Variants in BCAS3 observed in about 807,000 individuals in gnomAD.
BCAS3 encodes BCAS3 microtubule associated cell migration factor, also known as BCAS4/BCAS3 fusion.
Under a neutral mutation model 116.1 loss-of-function variants are expected in BCAS3, and 53 were observed. That is an observed-to-expected ratio of 0.46 (90% CI 0.37 to 0.57). The LOEUF is 0.57. BCAS3 is among the 20% of genes least tolerant of loss of function. The probability of loss-of-function intolerance (pLI) is 0.00; values close to 1 mark genes in which losing one functional copy is unlikely to be tolerated. For synonymous variants in BCAS3, 391 were observed against 408.2 expected (o/e 0.96, Z 0.51); for missense variants, 917 against 1,165.4 (o/e 0.79, Z 3.10).
Position 61,323,094 on chromosome 17 carries a change from A to C in BCAS3, c.2426-45233A>C, listed in dbSNP as rs1471444755. ...GTTGGTTTAAAAAAAAAATGAAAGAAAAAGGAGAATGGTCACATGGATTTA... is the reference window on the plus strand; with the variant it reads ...GTTGGTTTAAAAAAAAAATGAAAGACAAAGGAGAATGGTCACATGGATTTA... On this transcript the variant is annotated intron_variant, in intron 22 of 23. Transcript: ENST00000407086. The surrounding 1 kb of genome is among the most constrained non-coding windows in gnomAD (Gnocchi z 4.6). Among the ~76,000 whole-genome samples the C allele has an allele frequency of 6.6e-6, 1 of 152,198 alleles. No individual in the cohort carries two copies. The highest frequency in any genetic ancestry group is 1.5e-5 in the Non-Finnish European group (1 of 68,036).
intron 14 of BCAS3, chr17:60,986,781 G>A (rs896186417): frequency 8.6e-5 from 13 of 151,850 alleles, no homozygotes; most frequent in African/African-American, 2.4e-4. Flanking sequence ...CCCAATCTTC[G>A]GGTTATCACT....
intron 7 of BCAS3, among the ~76,000 whole-genome samples, chr17:60,819,262 CACTT>C (rs1309866577): frequency 1.3e-5 from 2 of 152,134 alleles, no homozygotes; most frequent in African/African-American, 4.8e-5. Flanking sequence ...ACCTGACTGA[CACTT>C]AATACAATTT....
intron 16 of BCAS3, among the ~76,000 whole-genome samples, chr17:61,024,250 T>G (rs1010758994): frequency 2.6e-5 from 4 of 152,174 alleles, no homozygotes; most frequent in Non-Finnish European, 4.4e-5. Flanking sequence ...CTATAATTCT[T>G]TGGAGTTTGT....
chr17:60,918,586 T>G (rs1599675590), intron 12 of BCAS3, among the ~76,000 whole-genome samples: 1 of 152,256 alleles, frequency 6.6e-6, no homozygotes, highest in South Asian at 2.1e-4. Context: ...CATTCTTTTT[T>G]TCTTTTTCTT....
At chr17:61,293,218 A>G (rs895626684) in intron 22 of BCAS3, among the ~76,000 whole-genome samples, 7 of 152,210 alleles carry the variant, frequency 4.6e-5, no homozygotes, top group Non-Finnish European at 1.5e-5. Context: ...TTGGGAACAA[A>G]TGGAGGGAAA....
intron 16 of BCAS3, among the ~76,000 whole-genome samples, chr17:61,025,629 A>G (rs2066185988): frequency 6.6e-6 from 1 of 152,106 alleles, no homozygotes; most frequent in Non-Finnish European, 1.5e-5. Context: ...TTAAATGTGG[A>G]TGCTGACATC....
chr17:61,015,108 G>A (rs2065362861), intron 15 of BCAS3, among the ~76,000 whole-genome samples: 1 of 152,136 alleles, frequency 6.6e-6, no homozygotes, highest in South Asian at 2.1e-4. Context: ...AAACTCAGCT[G>A]GCTTTTGTTT....
chr17:60,982,710 A>G (rs1451715122), intron 14 of BCAS3, among the ~76,000 whole-genome samples: 2 of 151,670 alleles, frequency 1.3e-5, no homozygotes, highest in East Asian at 1.9e-4. Context: ...ACTATATTGA[A>G]TTATTATATT....
intron 5 of BCAS3, among the ~76,000 whole-genome samples, chr17:60,720,884 G>C (rs928596337): frequency 6.6e-6 from 1 of 152,106 alleles, no homozygotes; most frequent in Non-Finnish European, 1.5e-5. Flanking sequence ...TCAAAAGTTA[G>C]TATTTGTAGT....
chr17:60,975,194 G>A (rs2062248840), intron 14 of BCAS3, among the ~76,000 whole-genome samples: 1 of 151,564 alleles, frequency 6.6e-6, no homozygotes, highest in South Asian at 2.1e-4. Context: ...GTAGAGACGG[G>A]GTTTCACCTT....
rs2048213951 is a variant in BCAS3, at chr17:61,249,497, A to T, written c.2426-118830A>T. 6.6e-6 allele frequency among the ~76,000 whole-genome samples: 1 copy of T among 152,172 alleles called. No homozygotes were observed. ...GAAACACACCCAAAACTATATTGCT[A>T]AAATCTGAAGGAGAGAGATCTCAAC... On this transcript the variant is annotated intron_variant, in intron 22 of 23. Transcript: ENST00000407086. The surrounding 1 kb of genome is among the most constrained non-coding windows in gnomAD (Gnocchi z 6.2).
At position 61,252,740 on chromosome 17, in the gene BCAS3, T is replaced by C. The variant is rs181161104; in HGVS notation, c.2426-115587T>C. The stretch of plus-strand genomic sequence containing the variant: ...AAGGACATTGACCTGCTTACAACCA[T>C]AGTGATAGAACCAATTGTGGAATCC... On this transcript the variant is annotated intron_variant, in intron 22 of 23. Coordinates refer to ENST00000407086, the MANE Select transcript of BCAS3 (RefSeq NM_017679.5). 1.4e-3 allele frequency among the ~76,000 whole-genome samples: 208 copies of C among 152,256 alleles called. 1 individual carries two copies. The highest frequency in any genetic ancestry group is 4.9e-3 in the African/African-American group (204 of 41,558).
Position 61,087,453 on chromosome 17 carries a change from TATA to T in BCAS3, c.2425+2892_2425+2894del, listed in dbSNP as rs2073177871. 1 of 152,886 alleles carries T rather than the reference TATA, an allele frequency of 6.5e-6. No homozygotes were observed. The highest frequency in any genetic ancestry group is 1.5e-5 in the Non-Finnish European group (1 of 68,626). 9.5% of individuals were successfully genotyped at this position (152,886 alleles called of 1,614,324 possible). A position where few individuals can be genotyped will look rare whatever the true frequency, so the allele number is the denominator to read the frequency against. On this transcript the variant is annotated intron_variant, in intron 22 of 23. Coordinates refer to ENST00000407086, the MANE Select transcript of BCAS3 (RefSeq NM_017679.5). This position sits in a 1 kb window ranked among gnomAD's most constrained non-coding sequence, Gnocchi z 4.6. ...TCACAGATAATAGAATTTAATGTGA[TATA>T]ATTAAATCCTTTGACAATTATAACA...
rs773066423 is a variant in BCAS3, at chr17:61,118,470, TG to T, written c.2425+33907del. Among the ~76,000 whole-genome samples the T allele has an allele frequency of 5.0e-4, 76 of 152,216 alleles. No homozygotes were observed. The highest frequency in any genetic ancestry group is 2.6e-4 in the Admixed American group (4 of 15,288). ...GTCCTGCACCAAAACTGCACGTGTG[TG>T]TTAGGAGGTGGTTCTTGTTAACAGC... On this transcript the variant is annotated intron_variant, in intron 22 of 23. Transcript: ENST00000407086. This position sits in a 1 kb window ranked among gnomAD's most constrained non-coding sequence, Gnocchi z 5.0.
intron 9 of BCAS3, among the ~76,000 whole-genome samples, chr17:60,886,798 C>G (rs1225360926): frequency 6.7e-6 from 1 of 148,904 alleles, no homozygotes; most frequent in Non-Finnish European, 1.5e-5. Context: ...GGCAGTCTGC[C>G]GGTTCTCAGA....
chr17:61,147,656 T>C (rs1338140204), intron 22 of BCAS3, among the ~76,000 whole-genome samples: 1 of 152,208 alleles, frequency 6.6e-6, no homozygotes, highest in African/African-American at 2.4e-5. Flanking sequence ...TGTTTTTATA[T>C]TCTCAATAAA....
Position 61,029,444 on chromosome 17 carries a change from G to A in BCAS3, c.1638-5222G>A, listed in dbSNP as rs2145581431. Among the ~76,000 whole-genome samples, 1 of 152,030 alleles carries A rather than the reference G, an allele frequency of 6.6e-6. No homozygotes were observed. The highest frequency in any genetic ancestry group is 2.4e-5 in the African/African-American group (1 of 41,514). On this transcript the variant is annotated intron_variant, in intron 16 of 23. Transcript: ENST00000407086. This position sits in a 1 kb window ranked among gnomAD's most constrained non-coding sequence, Gnocchi z 5.2. ...ATCTAGGTTAGTTTAGGATATTTGA[G>A]TTTGGATGACTATATAAAATAATAC...
At chr17:61,193,167 C>T (rs896722469) in intron 22 of BCAS3, among the ~76,000 whole-genome samples, 7 of 151,914 alleles carry the variant, frequency 4.6e-5, no homozygotes, top group African/African-American at 1.7e-4. Context: ...GAGGCTGAGG[C>T]AAGAGAATCA....
In BCAS3 at chr17:61,013,727, TC is replaced by T. The variant is rs1188590628; in HGVS notation, c.1487-2020del. 6.6e-6 allele frequency among the ~76,000 whole-genome samples: 1 copy of T among 152,126 alleles called. No individual in the cohort carries two copies. On this transcript the variant is annotated intron_variant, in intron 15 of 23. Coordinates refer to ENST00000407086, the MANE Select transcript of BCAS3 (RefSeq NM_017679.5). The surrounding 1 kb of genome is among the most constrained non-coding windows in gnomAD (Gnocchi z 4.4). ...TTTATTTGCATGAATTTCTTATCTT[TC>T]CCCATATTTTACAAAAGAGACATTT...
Sources: allele counts gnomAD v4.1 joint callset (sites outside exome capture counted in the v4.1 genomes callset), GRCh38; gene constraint gnomAD v4.1.1; non-coding constraint Gnocchi (gnomAD v3.1); transcripts MANE v1.5; gene names NCBI Gene and HGNC (gene_info 2026-07-23, HGNC 2026-07-21).